The following COL28A1 variants were observed in gnomAD, a reference collection of about 807,000 sequenced individuals.
COL28A1 encodes the protein collagen alpha-1(XXVIII) chain.
COL28A1 carries 161 observed loss-of-function variants against 150.2 expected under a neutral mutation model. The ratio of observed to expected loss-of-function variants is 1.07; its 90% CI spans 0.94 to 1.22. COL28A1 has a LOEUF of 1.22. Ranked by LOEUF, COL28A1 falls within the 50% of genes most tolerant of loss-of-function variation. COL28A1 has a pLI of 0.00. For missense variants in COL28A1, 1,617 were observed against 1,388.3 expected (o/e 1.16, Z -2.62); for synonymous variants, 552 against 469.7 (o/e 1.18, Z -2.26).
At chr7:7,426,847 A>G (rs1784664313) in intron 25 of COL28A1, among the ~76,000 whole-genome samples, 1 of 152,188 alleles carries the variant, frequency 6.6e-6, no homozygotes, top group African/African-American at 2.4e-5. Context: ...AGTCTTTCTT[A>G]TTTAGCTTGG....
Position 7,515,849 on chromosome 7 carries a change from A to T in COL28A1, c.856-9T>A. Reference sequence around the variant, plus strand: ...TTGTACCCAGGAATTCCCTAATTTAAAAAGAAAATAAAAAGTAAAATATGA... The same window carrying T: ...TTGTACCCAGGAATTCCCTAATTTATAAAGAAAATAAAAAGTAAAATATGA... On this transcript the variant is annotated splice_polypyrimidine_tract_variant and intron_variant, in intron 7 of 34. Coordinates refer to ENST00000399429, the MANE Select transcript of COL28A1 (RefSeq NM_001037763.3). 1 of 985,028 alleles carries T rather than the reference A, an allele frequency of 1.0e-6. No individual in the cohort carries two copies. 61.0% of individuals were successfully genotyped at this position (985,028 alleles called of 1,614,324 possible).
At chr7:7,389,805 T>C (rs552407337) in intron 27 of COL28A1, among the ~76,000 whole-genome samples, 14 of 152,314 alleles carry the variant, frequency 9.2e-5, no homozygotes, top group African/African-American at 2.9e-4. Context: ...TTGTTTGTTA[T>C]TGGTGTATAA....
intron 3 of COL28A1, among the ~76,000 whole-genome samples, chr7:7,525,793 C>T (rs1191143743): frequency 3.9e-5 from 6 of 152,156 alleles, no homozygotes; most frequent in Admixed American, 3.9e-4. Context: ...CCCGTTTCAA[C>T]AATTAACTAG....
chr7:7,367,181 A>C (rs1289754410), intron 33 of COL28A1, among the ~76,000 whole-genome samples: 1 of 152,194 alleles, frequency 6.6e-6, no homozygotes, highest in African/African-American at 2.4e-5. Context: ...TGTAGCCTAG[A>C]AGCAATAGGC....
intron 27 of COL28A1, among the ~76,000 whole-genome samples, chr7:7,403,747 G>A (rs1783347569): frequency 6.6e-6 from 1 of 152,158 alleles, no homozygotes; most frequent in South Asian, 2.1e-4. Context: ...CTAGGGACAG[G>A]ATTGCTACAT....
chr7:7,430,387 A>G lies in COL28A1; in HGVS notation c.1998+2086T>C, dbSNP rs781157790. Among the ~76,000 whole-genome samples, 9 of 152,256 alleles carry G rather than the reference A, an allele frequency of 5.9e-5. No individual in the cohort carries two copies. In the South Asian group the frequency reaches 1.2e-3, roughly 21 times the overall value. ...GGTGATCTGCCCACCTCAGCCTCCCAAAGTGCTGGAATTACAGGCATGAGC... is the reference window on the plus strand; with the variant it reads ...GGTGATCTGCCCACCTCAGCCTCCCGAAGTGCTGGAATTACAGGCATGAGC... On this transcript the variant is annotated intron_variant, in intron 25 of 34. Coordinates refer to ENST00000399429, the MANE Select transcript of COL28A1 (RefSeq NM_001037763.3).
chr7:7,512,107 G>C (rs967208781), intron 8 of COL28A1, among the ~76,000 whole-genome samples: 1 of 152,122 alleles, frequency 6.6e-6, no homozygotes, highest in African/African-American at 2.4e-5. Context: ...AGTGAAATAA[G>C]CCAGGAACAG....
intron 21 of COL28A1, among the ~76,000 whole-genome samples, chr7:7,439,197 T>A (rs1299052876): frequency 6.6e-6 from 1 of 152,184 alleles, no homozygotes; most frequent in Non-Finnish European, 1.5e-5. Context: ...GCCGTGTTCA[T>A]CTTCAGAGCT....
chr7:7,361,862 G>A lies in COL28A1; in HGVS notation c.3067-1334C>T, dbSNP rs578202090. ...GAATACTATGCAGCCATAAAAACATGAGTTCATGTCCTTTGCAGGGACATG... is the reference window on the plus strand; with the variant it reads ...GAATACTATGCAGCCATAAAAACATAAGTTCATGTCCTTTGCAGGGACATG... On this transcript the variant is annotated intron_variant, in intron 33 of 34. Coordinates refer to ENST00000399429, the MANE Select transcript of COL28A1 (RefSeq NM_001037763.3). Among the ~76,000 whole-genome samples, 13 of 86,518 alleles carry A rather than the reference G, an allele frequency of 1.5e-4. No individual in the cohort carries two copies. In the East Asian group the frequency reaches 5.5e-3, roughly 36 times the overall value. 56.8% of individuals were successfully genotyped at this position (86,518 alleles called of 152,430 possible).
At position 7,358,721 on chromosome 7, in the gene COL28A1, C is replaced by T. The variant is rs757078210; in HGVS notation, c.3290G>A (p.Cys1097Tyr). The change falls in exon 35 of 35, where the codon TGT becomes TAT. Residue 1097 changes from cysteine to tyrosine, a missense_variant. Physicochemically the swap from Cys to Tyr is radical, Grantham distance 194. Coordinates refer to ENST00000399429, the MANE Select transcript of COL28A1 (RefSeq NM_001037763.3). Reference protein sequence around the residue: ...RWYYDKQVNSCARFWFSGCNG... With the variant: ...RWYYDKQVNSYARFWFSGCNG... ...ACAGCCACTGAACCAAAATCGGGCACAAGAGTTGACCTGTTTGTCATAATA... is the reference window on the plus strand; with the variant it reads ...ACAGCCACTGAACCAAAATCGGGCATAAGAGTTGACCTGTTTGTCATAATA... 2 of 1,613,888 alleles carry T rather than the reference C, an allele frequency of 1.2e-6. No homozygotes were observed. The highest frequency in any genetic ancestry group is 2.7e-5 in the African/African-American group (2 of 74,880).
intron 27 of COL28A1, among the ~76,000 whole-genome samples, chr7:7,386,132 T>C (rs1782167408): frequency 6.6e-6 from 1 of 152,216 alleles, no homozygotes; most frequent in Non-Finnish European, 1.5e-5. Flanking sequence ...GAAGTGATCA[T>C]TTTCATTTTT....
intron 25 of COL28A1, among the ~76,000 whole-genome samples, chr7:7,429,563 A>T (rs904627464): frequency 1.3e-5 from 2 of 152,092 alleles, no homozygotes; most frequent in Non-Finnish European, 2.9e-5. Context: ...AAGCCCCTGT[A>T]AAAAAGGAGA....
At position 7,358,835 on chromosome 7, in the gene COL28A1, G is replaced by A. The variant is rs201640837; in HGVS notation, c.3206-30C>T. Reference sequence around the variant, plus strand: ...AGTGAGAAAAGGAAAATGTGTCACGGATTTTTCTTATACTGAAGACATGAA... The same window carrying A: ...AGTGAGAAAAGGAAAATGTGTCACGAATTTTTCTTATACTGAAGACATGAA... On this transcript the variant is annotated intron_variant, in intron 34 of 34. Transcript: ENST00000399429. 5 of 1,570,378 alleles carry A rather than the reference G, an allele frequency of 3.2e-6. No individual in the cohort carries two copies. In the South Asian group the frequency reaches 4.7e-5, roughly 15 times the overall value.
chr7:7,355,570 A>C (rs1184297884), downstream of COL28A1, among the ~76,000 whole-genome samples: 3 of 152,110 alleles, frequency 2.0e-5, no homozygotes, highest in Non-Finnish European at 4.4e-5. Context: ...AGATTGTACC[A>C]CTGCAACACT....
chr7:7,419,659 A>G (rs73348964), intron 26 of COL28A1, among the ~76,000 whole-genome samples: 3,321 of 152,324 alleles, frequency 0.022, 120 homozygotes, highest in African/African-American at 0.074. Flanking sequence ...TTGCAGTTAA[A>G]AAGAGGCTGA....
At chr7:7,406,963 C>A (rs1281982220) in intron 27 of COL28A1, among the ~76,000 whole-genome samples, 1 of 151,674 alleles carries the variant, frequency 6.6e-6, no homozygotes. Flanking sequence ...TAATATTCTA[C>A]CTATACAGAA....
intron 27 of COL28A1, among the ~76,000 whole-genome samples, chr7:7,409,798 G>C (rs905285326): frequency 6.6e-6 from 1 of 152,166 alleles, no homozygotes; most frequent in East Asian, 1.9e-4. Flanking sequence ...TGTAGGGAGT[G>C]TGGTATTTCA....
In COL28A1 at chr7:7,437,440, G is replaced by C; in HGVS notation, c.1745C>G (p.Pro582Arg). The C allele has an allele frequency of 1.2e-6, 2 of 1,613,562 alleles. No homozygotes were observed. The highest frequency in any genetic ancestry group is 1.7e-6 in the Non-Finnish European group (2 of 1,179,872). Residue 582 changes from proline (P) to arginine (R), a missense_variant, in exon 22 of 35, where the codon CCT (proline) becomes CGT (arginine). Pro to Arg is a moderately radical substitution (Grantham distance 103). Coordinates refer to ENST00000399429, the MANE Select transcript of COL28A1 (RefSeq NM_001037763.3). ...AATTGATGTTCCAGGCATTCCAAAA[G>C]GGCCCATAATGCCCGGTTCACCCTT... is the stretch of plus-strand genomic sequence containing the variant. ...GPKGEPGIMGPFGMPGTSIPG... is the reference protein window; with the variant it reads ...GPKGEPGIMGRFGMPGTSIPG...
intron 21 of COL28A1, among the ~76,000 whole-genome samples, chr7:7,439,236 T>C (rs958789002): frequency 6.6e-6 from 1 of 152,116 alleles, no homozygotes; most frequent in Non-Finnish European, 1.5e-5. Flanking sequence ...GATTAGCCAA[T>C]ACAACCAACA....
Sources: gnomAD v4.1 joint callset for allele counts (sites outside exome capture counted in the v4.1 genomes callset) on GRCh38, gnomAD v4.1.1 for gene constraint, MANE v1.5 for transcripts, NCBI Gene and HGNC (gene_info 2026-07-23, HGNC 2026-07-21) for gene names.